ROCK1: variants seen among roughly 807,000 people sequenced by gnomAD.
The protein encoded by ROCK1 is Rho associated coiled-coil containing protein kinase 1.
A neutral mutation model predicts 196.8 loss-of-function variants in ROCK1; 36 were observed. The observed-to-expected ratio is 0.18, with a 90% CI of 0.14 to 0.24. The LOEUF is 0.24. Ranked by LOEUF, ROCK1 falls within the 10% of genes least tolerant of loss-of-function variation. The probability of loss-of-function intolerance (pLI) is 1.00; values close to 1 mark genes in which losing one functional copy is unlikely to be tolerated. For missense variants in ROCK1, 920 were observed against 1,562.0 expected (o/e 0.59, Z 6.93); for synonymous variants, 443 against 515.9 (o/e 0.86, Z 1.91).
chr18:20,988,525 T>C (rs916372268), intron 18 of ROCK1, among the ~76,000 whole-genome samples: 5 of 152,212 alleles, frequency 3.3e-5, no homozygotes, highest in African/African-American at 1.2e-4. Context: ...GGGAATGATC[T>C]TTTAAAAATA....
intron 1 of ROCK1, among the ~76,000 whole-genome samples, chr18:21,087,641 G>A (rs944034388): frequency 7.9e-5 from 12 of 151,884 alleles, no homozygotes; most frequent in Admixed American, 6.6e-4. Flanking sequence ...TCTGAACCAT[G>A]TACGCTCAGA....
chr18:20,980,303 C>T (rs1333497367), intron 21 of ROCK1, among the ~76,000 whole-genome samples: 1 of 151,476 alleles, frequency 6.6e-6, no homozygotes, highest in East Asian at 1.9e-4. Flanking sequence ...AAGGAATGAA[C>T]TACTGATACA....
intron 5 of ROCK1, among the ~76,000 whole-genome samples, chr18:21,044,521 C>A (rs966833139): frequency 1.4e-4 from 21 of 152,188 alleles, no homozygotes; most frequent in South Asian, 2.1e-4. Context: ...CATAAAAAAA[C>A]CCCACGGCAG....
chr18:20,984,683 G>A (rs756337865), intron 19 of ROCK1, 148 bp from the exon 20 acceptor site: 150 of 598,492 alleles, frequency 2.5e-4, no homozygotes, highest in African/African-American at 4.3e-4. Flanking sequence ...ATTGTTCCAC[G>A]TGTTTATTAC....
At chr18:21,089,039 T>C (rs2036549196) in intron 1 of ROCK1, among the ~76,000 whole-genome samples, 1 of 152,136 alleles carries the variant, frequency 6.6e-6, no homozygotes, top group African/African-American at 2.4e-5. Context: ...ATAAATAACA[T>C]ATTTTATTAA....
intron 1 of ROCK1, among the ~76,000 whole-genome samples, chr18:21,073,167 C>T (rs2036402032): frequency 6.9e-6 from 1 of 144,610 alleles, no homozygotes; most frequent in Admixed American, 7.0e-5. Context: ...TAATTAAATT[C>T]TTTGCTACTA....
intron 10 of ROCK1, among the ~76,000 whole-genome samples, chr18:21,025,174 A>G (rs756651587): frequency 6.6e-6 from 1 of 152,190 alleles, no homozygotes; most frequent in Non-Finnish European, 1.5e-5. Context: ...GTACATTTGC[A>G]TATTATATTG....
rs58599947 is a variant in ROCK1 at position 21,003,158 on chromosome 18, G to A, written c.1885+3193C>T. Among the ~76,000 whole-genome samples, 1,431 of 152,144 alleles carry A rather than the reference G, an allele frequency of 9.4e-3. 17 individuals carry two copies. Among genetic ancestry groups the A allele is most frequent in the African/African-American group, 0.033 (1,369 of 41,514 alleles). ...AACGTCTAGTTTAAAGTACTACGGC[G>A]GACAGAGCAACATGCTAAATGATAC... On this transcript the variant is annotated intron_variant, in intron 16 of 32. Transcript: ENST00000399799.
At chr18:21,088,479 GAC>G (rs1352962724) in intron 1 of ROCK1, among the ~76,000 whole-genome samples, 2 of 152,170 alleles carry the variant, frequency 1.3e-5, no homozygotes, top group Non-Finnish European at 2.9e-5. Context: ...CAGTCTGGGT[GAC>G]AGAGTGAGAC....
chr18:21,090,992 G>GT (rs770044005), intron 1 of ROCK1, among the ~76,000 whole-genome samples: 2 of 151,968 alleles, frequency 1.3e-5, no homozygotes, highest in East Asian at 1.9e-4. Context: ...CTGTTTTTCT[G>GT]TAACAGTTGA....
chr18:21,109,746 T>A (rs1598566698), intron 1 of ROCK1, among the ~76,000 whole-genome samples: 1 of 152,218 alleles, frequency 6.6e-6, no homozygotes, highest in African/African-American at 2.4e-5. Context: ...GAAATGCACG[T>A]TAATTTTAAA....
chr18:20,979,028 G>A (rs926126662), intron 22 of ROCK1, among the ~76,000 whole-genome samples: 52 of 152,314 alleles, frequency 3.4e-4, no homozygotes, highest in African/African-American at 1.3e-3. Flanking sequence ...ATACTCCGCA[G>A]GAGTTACTAT....
At chr18:21,084,483 C>A (rs1345907903) in intron 1 of ROCK1, among the ~76,000 whole-genome samples, 1 of 151,950 alleles carries the variant, frequency 6.6e-6, no homozygotes, top group Non-Finnish European at 1.5e-5. Flanking sequence ...ACAGAAATGG[C>A]CAATAAGCAC....
rs1464967412 is a variant in ROCK1 at position 20,959,035 on chromosome 18, TA to T, written c.3512+804del. On this transcript the variant is annotated intron_variant, in intron 29 of 32. Transcript: ENST00000399799. ...TATAATATATATAATATATATATTT[TA>T]TATAATATATAATATATATATTATA... is the stretch of plus-strand genomic sequence containing the variant. Among the ~76,000 whole-genome samples the T allele has an allele frequency of 9.1e-4, 53 of 58,238 alleles. 1 individual carries two copies. Among genetic ancestry groups the T allele is most frequent in the African/African-American group, 6.5e-3 (48 of 7,404 alleles). The allele number at this position is 58,238 out of a possible 152,430, so 38.2% of individuals were successfully genotyped here.
Position 20,967,011 on chromosome 18 carries a change from A to C in ROCK1, c.3258T>G (p.Asp1086Glu). 6.2e-7 allele frequency: 1 copy of C among 1,611,718 alleles called. No individual in the cohort carries two copies. Among genetic ancestry groups the C allele is most frequent in the South Asian group, 1.1e-5 (1 of 91,028 alleles). ...AAAGTTTAGCACGCAATTGCTCAATATCACTCTCTTTGCTGGCCAACTGCA... is the reference window on the plus strand; with the variant it reads ...AAAGTTTAGCACGCAATTGCTCAATCTCACTCTCTTTGCTGGCCAACTGCA... ...LQMQLASKES[D>E]IEQLRAKLLD... Residue 1086 changes from aspartate (D) to glutamate (E), a missense_variant, in exon 27 of 33, where the codon GAT (aspartate) becomes GAG (glutamate). Asp to Glu is a conservative substitution (Grantham distance 45). Around this residue, in one of 6 missense-constraint regions of ROCK1, gnomAD observed 116 missense variants for 204.2 expected, o/e 0.57. Coordinates refer to ENST00000399799, the MANE Select transcript of ROCK1 (RefSeq NM_005406.3).
At chr18:21,089,590 G>A (rs1314261336) in intron 1 of ROCK1, among the ~76,000 whole-genome samples, 1 of 152,158 alleles carries the variant, frequency 6.6e-6, no homozygotes, top group East Asian at 1.9e-4. Flanking sequence ...CCACTTGTAA[G>A]TTGAAAATAT....
In ROCK1 at chr18:21,028,912, A is replaced by C; in HGVS notation, c.1075T>G (p.Leu359Val). 6.2e-7 allele frequency: 1 copy of C among 1,610,468 alleles called. No individual in the cohort carries two copies. Among genetic ancestry groups the C allele is most frequent in the East Asian group, 2.2e-5 (1 of 44,690 alleles). The change falls in exon 10 of 33, where the codon TTA becomes GTA. Residue 359 changes from leucine to valine, a missense_variant. Around this residue, in one of 6 missense-constraint regions of ROCK1, gnomAD observed 234 missense variants for 460.7 expected, o/e 0.51. Transcript: ENST00000399799. ...RDTVAPVVPDLSSDIDTSNFD... is the reference protein window; with the variant it reads ...RDTVAPVVPDVSSDIDTSNFD... The stretch of plus-strand genomic sequence containing the variant: ...TTACTAGTATCAATGTCACTACTTA[A>C]ATCGGGTACAACTGGTGCTACAGCT...
intron 1 of ROCK1, among the ~76,000 whole-genome samples, chr18:21,086,228 C>T (rs1264806614): frequency 6.6e-6 from 1 of 151,628 alleles, no homozygotes; most frequent in African/African-American, 2.4e-5. Context: ...TCTCCTGCCT[C>T]AGCCTCCTGA....
intron 10 of ROCK1, among the ~76,000 whole-genome samples, chr18:21,024,092 G>A (rs2035937027): frequency 6.6e-6 from 1 of 152,144 alleles, no homozygotes; most frequent in African/African-American, 2.4e-5. Context: ...AGAATTGGGG[G>A]TAAGAAACTG....
Sources: allele counts gnomAD v4.1 joint callset (sites outside exome capture counted in the v4.1 genomes callset), GRCh38; gene constraint gnomAD v4.1.1; regional missense constraint gnomAD v4.1.1; transcripts MANE v1.5; gene names NCBI Gene and HGNC (gene_info 2026-07-23, HGNC 2026-07-21).